The following TLN1 variants were observed in gnomAD, a reference collection of about 807,000 sequenced individuals.
TLN1 encodes the protein talin-1.
In TLN1, 56 loss-of-function variants were observed where a neutral mutation model predicts 292.3. The ratio of observed to expected loss-of-function variants is 0.19; its 90% CI spans 0.15 to 0.24. TLN1 has a LOEUF of 0.24. TLN1 is among the 10% of genes least tolerant of loss of function. The pLI is 1.00. For missense variants in TLN1, 2,433 were observed against 3,248.2 expected (o/e 0.75, Z 6.10); for synonymous variants, 1,119 against 1,253.7 (o/e 0.89, Z 2.27).
chr9:35,721,857 G>A lies in TLN1; in HGVS notation c.949-54C>T, dbSNP rs1825883884. ...ACAGGTCAGAGGTCAAATGAGAGGT[G>A]AATGATCAGATCAGCTTGCAGCCAT... On this transcript the variant is annotated intron_variant, in intron 9 of 56. Transcript: ENST00000314888. The A allele has an allele frequency of 2.5e-6, 4 of 1,590,036 alleles. No homozygotes were observed. In the Admixed American group the frequency reaches 6.7e-5, roughly 27 times the overall value.
In TLN1 at chr9:35,723,969, G is replaced by A. The variant is rs777453164; in HGVS notation, c.765C>T (p.His255=). Residue 255 remains histidine (H), a synonymous_variant, in exon 7 of 57, where the codon CAC becomes CAT. Transcript: ENST00000314888. ...IQFGPHNEQK[H]KAGFLDLKDF... ...TCACTCACTCAAGGAAGCCAGCCTT[G>A]TGCTTCTGCTCATTGTGGGGCCCAA... 8 of 1,614,022 alleles carry A rather than the reference G, an allele frequency of 5.0e-6. No homozygotes were observed. The highest frequency in any genetic ancestry group is 5.1e-6 in the Non-Finnish European group (6 of 1,180,006).
In TLN1 at chr9:35,706,019, G is replaced by C; in HGVS notation, c.5454C>G (p.Ala1818=). Residue 1818 remains alanine, a synonymous_variant, in exon 41 of 57, where the codon GCC becomes GCG. Coordinates refer to ENST00000314888, the MANE Select transcript of TLN1 (RefSeq NM_006289.4). The surrounding 1 kb of genome is among the most constrained non-coding windows in gnomAD (Gnocchi z 4.2). ...EDLTTTLNEA[A]SAAGVVGGMV... is the part of the protein sequence containing the mutation. ...TGCCACCCACGACCCCAGCAGCACT[G>C]GCTGCCTCGTTGAGGGTTGTTGTCA... 3 of 1,614,204 alleles carry C rather than the reference G, an allele frequency of 1.9e-6. No homozygotes were observed. The highest frequency in any genetic ancestry group is 2.5e-6 in the Non-Finnish European group (3 of 1,180,030).
Position 35,711,989 on chromosome 9 carries a change from C to G in TLN1, c.3681+16G>C, listed in dbSNP as rs761943923. On this transcript the variant is annotated intron_variant, in intron 28 of 56. Coordinates refer to ENST00000314888, the MANE Select transcript of TLN1 (RefSeq NM_006289.4). ...CTTTGACTCCTACGTTCCCCCACCC[C>G]CTACCGTCCTCCTACCGAGTCACTC... The G allele has an allele frequency of 8.1e-6, 13 of 1,612,784 alleles. No homozygotes were observed. The highest frequency in any genetic ancestry group is 6.7e-5 in the African/African-American group (5 of 74,888).
intron 2 of TLN1, 27 bp from the exon 3 acceptor site, chr9:35,725,348 G>C: frequency 6.2e-7 from 1 of 1,608,898 alleles, no homozygotes; most frequent in Non-Finnish European, 8.5e-7. Context: ...ATCACTTTAG[G>C]CTTATGAAGA....
intron 13 of TLN1, 35 bp downstream of exon 13, chr9:35,720,004 G>T (rs1369224946): frequency 6.3e-7 from 1 of 1,578,808 alleles, no homozygotes; most frequent in Non-Finnish European, 8.6e-7. Flanking sequence ...GGTGAGAGAA[G>T]GGCCCTGGCA....
Position 35,725,949 on chromosome 9 carries a change from G to T in TLN1, c.-33-222C>A, listed in dbSNP as rs560526019. ...TTTTTTTGAGACAGAGTTTCGTTCT[G>T]TTGCCCAGGCTAGAGTACAGTGGTG... On this transcript the variant is annotated intron_variant, in intron 1 of 56. Coordinates refer to ENST00000314888, the MANE Select transcript of TLN1 (RefSeq NM_006289.4). 2.0e-5 allele frequency among the ~76,000 whole-genome samples: 3 copies of T among 152,120 alleles called. No individual in the cohort carries two copies. In the South Asian group the frequency reaches 6.2e-4, roughly 32 times the overall value.
intron 1 of TLN1, among the ~76,000 whole-genome samples, chr9:35,726,410 T>C (rs1206976835): frequency 6.6e-6 from 1 of 152,216 alleles, no homozygotes; most frequent in Non-Finnish European, 1.5e-5. Context: ...CTTTTCATTT[T>C]TGCCTGGTTC....
Position 35,698,591 on chromosome 9 carries a change from G to A in TLN1, c.7188+26C>T. ...CCTTCTCAAGTCTCTCAAACTGAGAGAGACCTAGTGGTATTGCACACTTAC... is the reference window on the plus strand; with the variant it reads ...CCTTCTCAAGTCTCTCAAACTGAGAAAGACCTAGTGGTATTGCACACTTAC... On this transcript the variant is annotated intron_variant, in intron 54 of 56. Transcript: ENST00000314888. This position sits in a 1 kb window ranked among gnomAD's most constrained non-coding sequence, Gnocchi z 5.3. The A allele has an allele frequency of 1.2e-6, 2 of 1,614,140 alleles. No individual in the cohort carries two copies. Among genetic ancestry groups the A allele is most frequent in the Non-Finnish European group, 1.7e-6 (2 of 1,180,044 alleles).
At chr9:35,722,735 A>G (rs1356350783) in intron 8 of TLN1, 126 bp downstream of exon 8, 11 of 890,370 alleles carry the variant, frequency 1.2e-5, no homozygotes, top group South Asian at 4.3e-5. Flanking sequence ...GTGAGGTGGG[A>G]TAACAGCCCG....
chr9:35,712,041 T>G lies in TLN1; in HGVS notation c.3645A>C (p.Ala1215=), dbSNP rs528239668. Residue 1215 remains alanine, a synonymous_variant, in exon 28 of 57, where the codon GCA becomes GCC. Coordinates refer to ENST00000314888, the MANE Select transcript of TLN1 (RefSeq NM_006289.4). The part of the protein sequence containing the change: ...GQRDVDNALR[A]VGDASKRLLS... Reference sequence around the variant, plus strand: ...GGAGTCGCTTGCTGGCATCTCCAACTGCCCTCAGGGCATTATCCACATCGC... The same window carrying G: ...GGAGTCGCTTGCTGGCATCTCCAACGGCCCTCAGGGCATTATCCACATCGC... 1.2e-6 allele frequency: 2 copies of G among 1,614,048 alleles called. No homozygotes were observed. Among genetic ancestry groups the G allele is most frequent in the East Asian group, 4.5e-5 (2 of 44,886 alleles).
chr9:35,727,814 G>A (rs1367686054), intron 1 of TLN1, among the ~76,000 whole-genome samples: 3 of 152,080 alleles, frequency 2.0e-5, no homozygotes, highest in Non-Finnish European at 2.9e-5. Context: ...CCTCAAGCAC[G>A]GAAGCCTCTG....
rs1362763382 is a variant in TLN1, at chr9:35,719,608, T to C, written c.1598A>G (p.Lys533Arg). The change falls in exon 15 of 57, where the codon AAA becomes AGA. Residue 533 changes from lysine (K) to arginine (R), a missense_variant. By Grantham distance (26) the Lys-to-Arg change is conservative. Transcript: ENST00000314888. The surrounding 1 kb of genome is among the most constrained non-coding windows in gnomAD (Gnocchi z 4.6). ...ATGCTTTGATTCATCCATCTTGTTT[T>C]TACGCCAGGCCTTAGAGGCCTGAAA... is the stretch of plus-strand genomic sequence containing the variant. The part of the protein sequence containing the change: ...GQDAASKAWR[K>R]NKMDESKHEI... 6.2e-7 allele frequency: 1 copy of C among 1,614,198 alleles called. No homozygotes were observed. Among genetic ancestry groups the C allele is most frequent in the East Asian group, 2.2e-5 (1 of 44,874 alleles).
At chr9:35,715,279 T>C in intron 20 of TLN1, 92 bp from the exon 21 acceptor site, 17 of 1,494,092 alleles carry the variant, frequency 1.1e-5, no homozygotes, top group Non-Finnish European at 1.4e-5. Context: ...AGTTTAAAAT[T>C]CATGTATTTT....
chr9:35,712,702 G>A (rs1037885638), intron 27 of TLN1, 133 bp downstream of exon 27: 3 of 705,766 alleles, frequency 4.3e-6, no homozygotes, highest in Non-Finnish European at 2.4e-6. Flanking sequence ...ATCCACAGAG[G>A]GGCTGTCAAG....
intron 10 of TLN1, 45 bp downstream of exon 10, chr9:35,721,603 A>AG (rs774472063): frequency 1.9e-6 from 3 of 1,592,198 alleles, no homozygotes; most frequent in Non-Finnish European, 2.6e-6. Context: ...CTGCCCCTTT[A>AG]ATGAAACTCC....
chr9:35,712,894 C>T lies in TLN1; in HGVS notation c.3502G>A (p.Glu1168Lys), dbSNP rs777721084. ...VLDKASSLIEEAKKAAGHPGD... is the reference protein window; with the variant it reads ...VLDKASSLIEKAKKAAGHPGD... ...GGATGGCCAGCTGCCTTTTTCGCCT[C>T]CTCAATGAGGCTGCTGGCCTTGTCC... Residue 1168 changes from glutamate (E) to lysine (K), a missense_variant, in exon 27 of 57, where the codon GAG becomes AAG. This residue lies in a region of TLN1 where 1,384 missense variants were observed against 1,699.6 expected (regional missense o/e 0.81). Transcript: ENST00000314888. 2 of 1,602,132 alleles carry T rather than the reference C, an allele frequency of 1.2e-6. No homozygotes were observed. The highest frequency in any genetic ancestry group is 2.7e-5 in the African/African-American group (2 of 74,776).
At chr9:35,700,899 G>A (rs1587975918) in intron 48 of TLN1, among the ~76,000 whole-genome samples, 1 of 152,292 alleles carries the variant, frequency 6.6e-6, no homozygotes, top group Non-Finnish European at 1.5e-5. Context: ...TATGCAAGGG[G>A]CTAGGGATGC....
Position 35,722,841 on chromosome 9 carries a change from T to C in TLN1, c.843+20A>G. 6.2e-7 allele frequency: 1 copy of C among 1,613,136 alleles called. No individual in the cohort carries two copies. Among genetic ancestry groups the C allele is most frequent in the South Asian group, 1.1e-5 (1 of 91,062 alleles). On this transcript the variant is annotated intron_variant, in intron 8 of 56. Coordinates refer to ENST00000314888, the MANE Select transcript of TLN1 (RefSeq NM_006289.4). The stretch of plus-strand genomic sequence containing the variant: ...AAAGCTCCGCGGTCATCCCAAATAC[T>C]TTCCCCTACCCACATTCACCTGGAA...
In TLN1 at chr9:35,720,818, C is replaced by G; in HGVS notation, c.1200G>C (p.Leu400=). 1 of 1,614,016 alleles carries G rather than the reference C, an allele frequency of 6.2e-7. No homozygotes were observed. Among genetic ancestry groups the G allele is most frequent in the East Asian group, 2.2e-5 (1 of 44,870 alleles). ...QLIAGYIDII[L]KKKKSKDHFG... is the part of the protein sequence containing the mutation. ...TAGGGCAGGCAGTGCTCACCTTCTT[C>G]AGGATGATATCGATGTAGCCGGCAA... The change falls in exon 11 of 57, where the codon CTG becomes CTC. Residue 400 remains leucine (L), a synonymous_variant. Transcript: ENST00000314888.
Sources: allele counts gnomAD v4.1 joint callset (sites outside exome capture counted in the v4.1 genomes callset), GRCh38; gene constraint gnomAD v4.1.1; regional missense constraint gnomAD v4.1.1; non-coding constraint Gnocchi (gnomAD v3.1); transcripts MANE v1.5; gene names NCBI Gene and HGNC (gene_info 2026-07-23, HGNC 2026-07-21).